CSNK1G1: variants seen among roughly 807,000 people sequenced by gnomAD.
The protein encoded by CSNK1G1 is casein kinase I isoform gamma-1.
In CSNK1G1, 22 loss-of-function variants were observed where a neutral mutation model predicts 59.6. The ratio of observed to expected loss-of-function variants is 0.37; its 90% CI spans 0.26 to 0.53. The LOEUF (loss-of-function observed/expected upper bound fraction) is 0.53. CSNK1G1 is among the 20% of genes least tolerant of loss of function. CSNK1G1 has a pLI of 0.89. For missense variants in CSNK1G1, 384 were observed against 519.5 expected (o/e 0.74, Z 2.54); for synonymous variants, 179 against 177.1 (o/e 1.01, Z -0.08).
At chr15:64,272,157 G>C (rs1420086283) in intron 2 of CSNK1G1, among the ~76,000 whole-genome samples, 1 of 151,448 alleles carries the variant, frequency 6.6e-6, no homozygotes, top group Non-Finnish European at 1.5e-5. Flanking sequence ...CATGACATGG[G>C]TCTCTTGAAG....
At chr15:64,259,343 T>A (rs1459881682) in intron 2 of CSNK1G1, 102 bp from the exon 3 acceptor site, 1 of 729,568 alleles carries the variant, frequency 1.4e-6, no homozygotes, top group Non-Finnish European at 2.2e-6. Flanking sequence ...ATATTCCCAA[T>A]GCTGTTCACA....
chr15:64,280,640 C>A (rs1894075154), intron 2 of CSNK1G1, among the ~76,000 whole-genome samples: 1 of 151,974 alleles, frequency 6.6e-6, no homozygotes, highest in Non-Finnish European at 1.5e-5. Context: ...GGATTACAGG[C>A]GTGAGCCACT....
At chr15:64,312,492 C>T (rs1389080123) in intron 1 of CSNK1G1, among the ~76,000 whole-genome samples, 1 of 152,120 alleles carries the variant, frequency 6.6e-6, no homozygotes, top group Non-Finnish European at 1.5e-5. Flanking sequence ...CTGACAATAA[C>T]CAGAAATGGG....
chr15:64,186,492 A>G (rs546026250), intron 10 of CSNK1G1, among the ~76,000 whole-genome samples: 126 of 150,174 alleles, frequency 8.4e-4, no homozygotes, highest in Middle Eastern at 3.4e-3. Flanking sequence ...AATAAAATTG[A>G]GTTTTTTGTT....
chr15:64,349,846 G>A (rs1898184173), intron 1 of CSNK1G1, among the ~76,000 whole-genome samples: 1 of 151,428 alleles, frequency 6.6e-6, no homozygotes, highest in South Asian at 2.1e-4. Context: ...AGGTTGAGGT[G>A]GAAGGATCAC....
intron 3 of CSNK1G1, among the ~76,000 whole-genome samples, chr15:64,254,914 T>C (rs1184356553): frequency 6.6e-6 from 1 of 152,194 alleles, no homozygotes; most frequent in Non-Finnish European, 1.5e-5. Context: ...TAGTAAAATA[T>C]TATAGTTTCA....
intron 11 of CSNK1G1, among the ~76,000 whole-genome samples, chr15:64,177,302 G>A (rs1028479746): frequency 2.6e-5 from 4 of 152,080 alleles, no homozygotes; most frequent in Non-Finnish European, 4.4e-5. Context: ...TCACAGCTGC[G>A]TGCAATGAGG....
chr15:64,246,501 T>C (rs1475560832), intron 4 of CSNK1G1, among the ~76,000 whole-genome samples: 1 of 151,964 alleles, frequency 6.6e-6, no homozygotes, highest in East Asian at 1.9e-4. Flanking sequence ...ATTGCGCCTG[T>C]AGTCCCAGCT....
intron 2 of CSNK1G1, among the ~76,000 whole-genome samples, chr15:64,268,285 G>A (rs777124037): frequency 7.9e-5 from 12 of 152,184 alleles, no homozygotes; most frequent in Non-Finnish European, 1.6e-4. Context: ...GATCTCATAG[G>A]AGAGAACAGA....
chr15:64,189,126 G>A (rs935002220), intron 10 of CSNK1G1, among the ~76,000 whole-genome samples: 2 of 151,732 alleles, frequency 1.3e-5, no homozygotes, highest in Admixed American at 6.6e-5. Flanking sequence ...ACTCCATCTC[G>A]AAAAAATAAT....
rs572050397 is a variant in CSNK1G1, at chr15:64,213,924, T to C, written c.645A>G (p.Ala215=). 1 of 1,614,146 alleles carries C rather than the reference T, an allele frequency of 6.2e-7. No homozygotes were observed. Among genetic ancestry groups the C allele is most frequent in the African/African-American group, 1.3e-5 (1 of 75,064 alleles). ...YREHKSLTGT[A]RYMSINTHLG... Reference sequence around the variant, plus strand: ...GATGCGTGTTGATAGACATATATCTTGCAGTTCCAGTTAAACTTTTGTGTT... The same window carrying C: ...GATGCGTGTTGATAGACATATATCTCGCAGTTCCAGTTAAACTTTTGTGTT... Residue 215 remains alanine, a synonymous_variant, in exon 6 of 12, where the codon GCA becomes GCG. Coordinates refer to ENST00000303052, the MANE Select transcript of CSNK1G1 (RefSeq NM_022048.5).
Position 64,275,330 on chromosome 15 carries a change from G to C in CSNK1G1, c.182-16089C>G, listed in dbSNP as rs777195074. On this transcript the variant is annotated intron_variant, in intron 2 of 11. Transcript: ENST00000303052. ...CTGGGAGGCATGAGCCATCTTGCCC[G>C]GCCCAAAGAGCATCTCTTTAAGTGA... 5.3e-5 allele frequency among the ~76,000 whole-genome samples: 8 copies of C among 152,068 alleles called. No homozygotes were observed. The East Asian group carries it at 1.2e-3, about 22-fold the overall frequency.
At chr15:64,306,052 T>C (rs1000074630) in intron 1 of CSNK1G1, among the ~76,000 whole-genome samples, 4 of 152,170 alleles carry the variant, frequency 2.6e-5, no homozygotes, top group African/African-American at 9.7e-5. Context: ...CTATATGCCA[T>C]AGGAAAAAAT....
chr15:64,293,880 T>C (rs1191544300), intron 2 of CSNK1G1, among the ~76,000 whole-genome samples: 2 of 152,090 alleles, frequency 1.3e-5, no homozygotes, highest in Non-Finnish European at 2.9e-5. Flanking sequence ...ATGGAAAAAT[T>C]GTCTTCCATG....
intron 10 of CSNK1G1, among the ~76,000 whole-genome samples, chr15:64,197,675 T>C (rs927797174): frequency 6.6e-6 from 1 of 152,212 alleles, no homozygotes; most frequent in African/African-American, 2.4e-5. Context: ...GCCTGCTTAA[T>C]GATTTCCATG....
intron 4 of CSNK1G1, among the ~76,000 whole-genome samples, chr15:64,217,184 C>T (rs745590322): frequency 1.3e-5 from 2 of 152,262 alleles, no homozygotes; most frequent in Admixed American, 6.5e-5. Context: ...ACAACTCAGA[C>T]TGAAGAGGCA....
chr15:64,278,391 T>C (rs1224384993), intron 2 of CSNK1G1, among the ~76,000 whole-genome samples: 30 of 124,096 alleles, frequency 2.4e-4, no homozygotes, highest in Admixed American at 6.4e-4. Flanking sequence ...TGTGTGTGTG[T>C]GTGTGTGTGT....
intron 4 of CSNK1G1, among the ~76,000 whole-genome samples, chr15:64,226,375 T>C (rs146409022): frequency 3.3e-5 from 5 of 151,976 alleles, no homozygotes; most frequent in African/African-American, 1.2e-4. Flanking sequence ...TTGGTCAACA[T>C]GGAGAAACCC....
At chr15:64,244,290 G>A (rs1469742167) in intron 4 of CSNK1G1, among the ~76,000 whole-genome samples, 1 of 146,438 alleles carries the variant, frequency 6.8e-6, no homozygotes, top group Non-Finnish European at 1.5e-5. Flanking sequence ...AAAATACCTA[G>A]GAATAAATTC....
Sources: gnomAD v4.1 joint callset for allele counts (sites outside exome capture counted in the v4.1 genomes callset) on GRCh38, gnomAD v4.1.1 for gene constraint, MANE v1.5 for transcripts, NCBI Gene and HGNC (gene_info 2026-07-23, HGNC 2026-07-21) for gene names.